Variants in TRAK2 observed in about 807,000 individuals in gnomAD.
TRAK2 encodes the protein trafficking kinesin protein 2.
A neutral mutation model predicts 104.6 loss-of-function variants in TRAK2; 81 were observed. The observed-to-expected ratio is 0.77, with a 90% CI of 0.65 to 0.93. The LOEUF is 0.93. TRAK2 is among the 40% of genes least tolerant of loss of function. The pLI, the probability that TRAK2 is intolerant of heterozygous loss-of-function variation, is 0.00. For missense variants in TRAK2, 1,002 were observed against 1,089.0 expected, an observed-to-expected ratio of 0.92 and a Z score of 1.12; for synonymous variants, 406 against 394.4, an observed-to-expected ratio of 1.03 and a Z score of -0.35.
At chr2:201,411,599 G>C (rs1304927101) in intron 2 of TRAK2, 6 of 781,890 alleles carry the variant, frequency 7.7e-6, no homozygotes, top group Non-Finnish European at 1.4e-5. Flanking sequence ...CAATACTCAG[G>C]GGAATAAGAT....
intron 9 of TRAK2, among the ~76,000 whole-genome samples, 175 bp downstream of exon 9, chr2:201,394,623 G>A (rs1181068845): frequency 6.6e-6 from 1 of 152,214 alleles, no homozygotes; most frequent in African/African-American, 2.4e-5. Flanking sequence ...TTACAGGCGT[G>A]AGCCACCACA....
rs368816336 is a variant in TRAK2, at chr2:201,429,676, C to T, written c.-199-8970G>A. Among the ~76,000 whole-genome samples, 5 of 152,190 alleles carry T rather than the reference C, an allele frequency of 3.3e-5. No homozygotes were observed. In the East Asian group the frequency reaches 7.7e-4, roughly 23 times the overall value. ...AATTGGCTACTGAAGCTTGCGCATG[C>T]GTCACATAGTTCTTGTGCCATGGTT... On this transcript the variant is annotated intron_variant, in intron 1 of 15. Coordinates refer to ENST00000332624, the MANE Select transcript of TRAK2 (RefSeq NM_015049.3).
At chr2:201,390,398 C>CAAAAAAAAAA (rs35677800) in intron 10 of TRAK2, among the ~76,000 whole-genome samples, 1 of 130,386 alleles carries the variant, frequency 7.7e-6, no homozygotes. Flanking sequence ...CAAAAAAATA[C>CAAAAAAAAAA]AAAAAAAAAA....
Position 201,380,096 on chromosome 2 carries a change from A to AC in TRAK2, c.*446dup. The AC allele has an allele frequency of 5.5e-6, 1 of 181,930 alleles. No homozygotes were observed. Among genetic ancestry groups the AC allele is most frequent in the South Asian group, 1.2e-4 (1 of 8,346 alleles). The allele number at this position is 181,930 out of a possible 1,614,324, so 11.3% of individuals were successfully genotyped here. ...ATTGTCTCAGTAATAGACTGAGCTT[A>AC]CCCCACCAACCCCTCAGAACGGCTT... On this transcript the variant is annotated 3_prime_UTR_variant, in exon 16 of 16. Coordinates refer to ENST00000332624, the MANE Select transcript of TRAK2 (RefSeq NM_015049.3).
chr2:201,400,076 G>A (rs1291527634), intron 4 of TRAK2, among the ~76,000 whole-genome samples: 2 of 152,024 alleles, frequency 1.3e-5, no homozygotes, highest in African/African-American at 4.8e-5. Context: ...TAAAAGACTG[G>A]AAATTTTGAG....
intron 2 of TRAK2, among the ~76,000 whole-genome samples, chr2:201,417,142 T>C (rs1482740207): frequency 7.9e-5 from 11 of 139,290 alleles, no homozygotes; most frequent in African/African-American, 2.7e-4. Context: ...ATGATACCAA[T>C]TCCACACAAA....
chr2:201,381,770 TAA>T (rs201884453), intron 15 of TRAK2, among the ~76,000 whole-genome samples: 4 of 97,430 alleles, frequency 4.1e-5, no homozygotes, highest in African/African-American at 1.2e-4. Flanking sequence ...CATTGAGAAA[TAA>T]AAACTTCTAA....
chr2:201,420,480 T>C lies in TRAK2; in HGVS notation c.28A>G (p.Thr10Ala), dbSNP rs1951731089. Residue 10 changes from threonine to alanine, a missense_variant, in exon 2 of 16, where the codon ACA (threonine) becomes GCA (alanine). Thr to Ala is a moderately conservative substitution (Grantham distance 58). Transcript: ENST00000332624. ...AGGTTTTCTTCACCTGTTGGTGATG[T>C]AAAAATTGCATTCTGGGATTGACTC... MSQSQNAIFTSPTGEENLMN... is the reference protein window; with the variant it reads MSQSQNAIFASPTGEENLMN... The C allele has an allele frequency of 1.2e-6, 2 of 1,614,092 alleles. No individual in the cohort carries two copies. The highest frequency in any genetic ancestry group is 2.2e-5 in the East Asian group (1 of 44,882).
intron 13 of TRAK2, 34 bp from the exon 14 acceptor site, chr2:201,386,518 T>G: frequency 6.2e-7 from 1 of 1,604,522 alleles, no homozygotes; most frequent in Non-Finnish European, 8.5e-7. Flanking sequence ...GGGAAAGGCA[T>G]GTTTTACATT....
chr2:201,412,619 A>C, intron 2 of TRAK2: 1 of 1,556,324 alleles, frequency 6.4e-7, no homozygotes. Flanking sequence ...GGAGGCAAAT[A>C]TTCAGGATTT....
At chr2:201,428,308 CATT>C (rs1951808241) in intron 1 of TRAK2, among the ~76,000 whole-genome samples, 2 of 152,208 alleles carry the variant, frequency 1.3e-5, no homozygotes, top group African/African-American at 4.8e-5. Flanking sequence ...TTAGGTCTAA[CATT>C]TAAGTATTTA....
chr2:201,402,488 A>G (rs1951558288), intron 3 of TRAK2, among the ~76,000 whole-genome samples: 1 of 152,110 alleles, frequency 6.6e-6, no homozygotes, highest in Non-Finnish European at 1.5e-5. Context: ...AAATATAAAA[A>G]CTTTTCTTAA....
At chr2:201,392,198 C>T (rs982907349) in intron 10 of TRAK2, among the ~76,000 whole-genome samples, 1 of 151,970 alleles carries the variant, frequency 6.6e-6, no homozygotes, top group Non-Finnish European at 1.5e-5. Context: ...ACTGAAGAAT[C>T]GATGTGAGGG....
intron 2 of TRAK2, chr2:201,410,430 C>G (rs1447413143): frequency 1.7e-6 from 1 of 584,530 alleles, no homozygotes; most frequent in Non-Finnish European, 3.0e-6. Context: ...CAGATGTTTT[C>G]TGTCACAGAA....
At position 201,380,566 on chromosome 2, in the gene TRAK2, T is replaced by C; in HGVS notation, c.2722A>G (p.Met908Val). The C allele has an allele frequency of 1.2e-6, 2 of 1,613,764 alleles. No individual in the cohort carries two copies. The highest frequency in any genetic ancestry group is 1.7e-6 in the Non-Finnish European group (2 of 1,179,852). ...CCTCAGTCCTCCTTCAGGACACCCA[T>C]TTTGGGTGAGGATGTGCAAACTGGG... ...AAPVCTSSPK[M>V]GVLKED is the part of the protein sequence containing the mutation. Residue 908 changes from methionine (M) to valine (V), a missense_variant, in exon 16 of 16, where the codon ATG becomes GTG. Physicochemically the swap from Met to Val is conservative, Grantham distance 21. Transcript: ENST00000332624.
intron 1 of TRAK2, among the ~76,000 whole-genome samples, chr2:201,423,918 T>G (rs895033754): frequency 6.6e-6 from 1 of 152,224 alleles, no homozygotes. Flanking sequence ...TTTGCCAGTA[T>G]AGTAATCTGT....
chr2:201,412,732 A>G, intron 2 of TRAK2: 1 of 1,387,104 alleles, frequency 7.2e-7, no homozygotes, highest in South Asian at 1.2e-5. Flanking sequence ...AAAACCCATT[A>G]TTTTCCAGGC....
At chr2:201,412,004 GT>G in intron 2 of TRAK2, 3 of 990,652 alleles carry the variant, frequency 3.0e-6, no homozygotes, top group African/African-American at 1.6e-5. Flanking sequence ...ATTGGGAGGG[GT>G]TTTGGTTAGT....
At position 201,380,325 on chromosome 2, in the gene TRAK2, T is replaced by A. The variant is rs1951327184; in HGVS notation, c.*218A>T. On this transcript the variant is annotated 3_prime_UTR_variant, in exon 16 of 16. Coordinates refer to ENST00000332624, the MANE Select transcript of TRAK2 (RefSeq NM_015049.3). ...GTATATTAAACCTTTCTTTTCTCCC[T>A]CTGAACACTCATGGCCCATTCATTT... 3.4e-6 allele frequency: 2 copies of A among 584,442 alleles called. No homozygotes were observed. The highest frequency in any genetic ancestry group is 6.0e-5 in the Admixed American group (2 of 33,290). The allele number at this position is 584,442 out of a possible 1,614,324, so 36.2% of individuals were successfully genotyped here. A position where few individuals can be genotyped will look rare whatever the true frequency, so the allele number is the denominator to read the frequency against.
Sources: gnomAD v4.1 joint callset for allele counts (sites outside exome capture counted in the v4.1 genomes callset) on GRCh38, gnomAD v4.1.1 for gene constraint, MANE v1.5 for transcripts, NCBI Gene and HGNC (gene_info 2026-07-23, HGNC 2026-07-21) for gene names.